The following CC2D2B variants were observed in gnomAD, a reference collection of about 807,000 sequenced individuals.
The protein encoded by CC2D2B is protein CC2D2B.
In CC2D2B, 128 loss-of-function variants were observed where a neutral mutation model predicts 161.2. The ratio of observed to expected loss-of-function variants is 0.79; its 90% CI spans 0.69 to 0.92. CC2D2B has a LOEUF of 0.92. Ranked by LOEUF, CC2D2B falls within the 40% of genes least tolerant of loss-of-function variation. CC2D2B has a pLI of 0.00. For missense variants in CC2D2B, 1,173 were observed against 1,375.1 expected (o/e 0.85, Z 2.32); for synonymous variants, 391 against 449.8 (o/e 0.87, Z 1.65).
intron 5 of CC2D2B, among the ~76,000 whole-genome samples, chr10:95,926,360 G>A (rs1455545433): frequency 1.3e-5 from 2 of 152,090 alleles, no homozygotes; most frequent in African/African-American, 2.4e-5. Context: ...GATGTGCAGA[G>A]GTGATGGGGG....
At chr10:95,993,737 G>A (rs1011078495) in intron 22 of CC2D2B, among the ~76,000 whole-genome samples, 1 of 145,546 alleles carries the variant, frequency 6.9e-6, no homozygotes, top group African/African-American at 2.5e-5. Context: ...TATTCTTAAA[G>A]TATAACTTGT....
intron 34 of CC2D2B, among the ~76,000 whole-genome samples, chr10:96,029,570 G>A (rs2079977768): frequency 6.6e-6 from 1 of 151,438 alleles, no homozygotes; most frequent in African/African-American, 2.4e-5. Flanking sequence ...TTCTGGGCAA[G>A]AGGACTCCAG....
chr10:95,934,228 C>T (rs2075724637), intron 6 of CC2D2B, among the ~76,000 whole-genome samples: 1 of 152,154 alleles, frequency 6.6e-6, no homozygotes, highest in Non-Finnish European at 1.5e-5. Context: ...GACGCCCCTT[C>T]CCCACCAAGC....
At chr10:95,926,184 C>T (rs1389904663) in intron 5 of CC2D2B, among the ~76,000 whole-genome samples, 4 of 151,946 alleles carry the variant, frequency 2.6e-5, no homozygotes, top group East Asian at 1.9e-4. Context: ...AATTTCACTA[C>T]GAGTAGTAAA....
intron 4 of CC2D2B, 40 bp from the exon 5 acceptor site, chr10:95,924,739 A>T: frequency 7.7e-7 from 1 of 1,293,836 alleles, no homozygotes; most frequent in Non-Finnish European, 1.1e-6. Context: ...GAGCACAATT[A>T]TGTCTATTTC....
chr10:96,001,358 AT>A (rs1294719407), intron 24 of CC2D2B, among the ~76,000 whole-genome samples: 12 of 152,058 alleles, frequency 7.9e-5, no homozygotes, highest in African/African-American at 2.4e-4. Flanking sequence ...ATCATTTTAT[AT>A]TTTTTTATAA....
intron 33 of CC2D2B, among the ~76,000 whole-genome samples, chr10:96,025,154 A>T (rs12771292): frequency 0.1 from 2,093 of 19,970 alleles, 52 homozygotes; most frequent in Non-Finnish European, 0.11. Flanking sequence ...ACTAAAAAAA[A>T]ATATATATAT....
Position 95,996,260 on chromosome 10 carries a change from G to T in CC2D2B, c.2849+8G>T. 3 of 1,288,418 alleles carry T rather than the reference G, an allele frequency of 2.3e-6. No individual in the cohort carries two copies. The highest frequency in any genetic ancestry group is 3.1e-6 in the Non-Finnish European group (3 of 952,468). 79.8% of individuals were successfully genotyped at this position (1,288,418 alleles called of 1,614,324 possible). A position where few individuals can be genotyped will look rare whatever the true frequency, so the allele number is the denominator to read the frequency against. On this transcript the variant is annotated splice_region_variant and intron_variant, in intron 24 of 34. Coordinates refer to ENST00000646931, the MANE Select transcript of CC2D2B (RefSeq NM_001349008.3). ...AATTAAAGTAGATTTTGTGTAAGTT[G>T]GAGTTCATTTTTCCATAGCTCCTAA...
In CC2D2B at chr10:95,970,379, G is replaced by A. The variant is rs542113174; in HGVS notation, c.1644+1478G>A. ...TCCTCCTTATTCATTCATCACTTCA[G>A]CCAAACTGAGCTGCTTGTCTTTTCC... On this transcript the variant is annotated intron_variant, in intron 15 of 34. Transcript: ENST00000646931. 7.9e-5 allele frequency among the ~76,000 whole-genome samples: 12 copies of A among 152,214 alleles called. No individual in the cohort carries two copies. In the South Asian group the frequency reaches 2.5e-3, roughly 32 times the overall value.
In CC2D2B at chr10:95,992,696, G is replaced by C; in HGVS notation, c.2641G>C (p.Gly881Arg). The C allele has an allele frequency of 8.1e-7, 1 of 1,233,834 alleles. No individual in the cohort carries two copies. The highest frequency in any genetic ancestry group is 3.2e-5 in the East Asian group (1 of 31,682). The allele number at this position is 1,233,834 out of a possible 1,614,324, so 76.4% of individuals were successfully genotyped here. The change falls in exon 22 of 35, where the codon GGA becomes CGA. Residue 881 changes from glycine (G) to arginine (R), a missense_variant and splice_region_variant. By Grantham distance (125) the Gly-to-Arg change is moderately radical. Around this residue, in one of 3 missense-constraint regions of CC2D2B, gnomAD observed 598 missense variants for 693.2 expected, o/e 0.86. Coordinates refer to ENST00000646931, the MANE Select transcript of CC2D2B (RefSeq NM_001349008.3). ...NIPTRKTTIN[G>R]SLDMPTCLKS... ...TCCTACCAGAAAAACAACAATTAAT[G>C]GGTAAGGCAATATGCCCCAATTTTT...
intron 19 of CC2D2B, among the ~76,000 whole-genome samples, chr10:95,985,658 A>G (rs1482135871): frequency 1.3e-5 from 2 of 152,208 alleles, no homozygotes; most frequent in African/African-American, 2.4e-5. Flanking sequence ...AAAGAACAGG[A>G]TAACAGCAAT....
intron 12 of CC2D2B, among the ~76,000 whole-genome samples, chr10:95,965,231 CTG>C (rs2076897700): frequency 1.3e-5 from 2 of 152,096 alleles, no homozygotes; most frequent in Admixed American, 1.3e-4. Context: ...GTTCAGATAA[CTG>C]AGATTTTATT....
At chr10:95,940,807 G>A (rs988102983) in intron 9 of CC2D2B, among the ~76,000 whole-genome samples, 5 of 152,108 alleles carry the variant, frequency 3.3e-5, no homozygotes, top group African/African-American at 1.2e-4. Context: ...TACCCAAACT[G>A]ATCTGCAGAC....
intron 6 of CC2D2B, among the ~76,000 whole-genome samples, chr10:95,928,755 A>G (rs544520894): frequency 3.3e-5 from 5 of 151,646 alleles, no homozygotes; most frequent in African/African-American, 1.2e-4. Flanking sequence ...TTTTGTCTCC[A>G]TAGTATTCCA....
At chr10:95,940,042 C>A (rs2075969058) in intron 9 of CC2D2B, among the ~76,000 whole-genome samples, 1 of 152,164 alleles carries the variant, frequency 6.6e-6, no homozygotes, top group African/African-American at 2.4e-5. Flanking sequence ...ATCTGCTTGG[C>A]TTCTGGGGAG....
chr10:95,974,567 G>T (rs1211669230), intron 17 of CC2D2B, among the ~76,000 whole-genome samples: 1 of 152,084 alleles, frequency 6.6e-6, no homozygotes, highest in African/African-American at 2.4e-5. Context: ...GGGATTACTA[G>T]AAATAAGTAC....
At chr10:96,001,039 T>C (rs772608568) in intron 24 of CC2D2B, among the ~76,000 whole-genome samples, 21 of 152,290 alleles carry the variant, frequency 1.4e-4, no homozygotes, top group Admixed American at 3.3e-4. Flanking sequence ...AAAAGAAATA[T>C]ACACCTATGT....
At chr10:96,022,228 G>A (rs565107387) in intron 32 of CC2D2B, among the ~76,000 whole-genome samples, 139 of 152,288 alleles carry the variant, frequency 9.1e-4, no homozygotes, top group Admixed American at 1.8e-3. Flanking sequence ...GGCTGAGGCA[G>A]GAGAATCACT....
At chr10:96,000,217 C>G (rs188744706) in intron 24 of CC2D2B, 6 of 1,300,018 alleles carry the variant, frequency 4.6e-6, no homozygotes, top group Non-Finnish European at 5.9e-6. Context: ...ACATCAGGTG[C>G]CTTTCTTCTT....
Sources: gnomAD v4.1 joint callset for allele counts (sites outside exome capture counted in the v4.1 genomes callset) on GRCh38, gnomAD v4.1.1 for gene constraint, gnomAD v4.1.1 regional missense constraint, MANE v1.5 for transcripts, NCBI Gene and HGNC (gene_info 2026-07-23, HGNC 2026-07-21) for gene names.